CELF3: variants seen among roughly 807,000 people sequenced by gnomAD.
The protein encoded by CELF3 is CUGBP Elav-like family member 3.
In CELF3, 26 loss-of-function variants were observed where a neutral mutation model predicts 59.6. The ratio of observed to expected loss-of-function variants is 0.44; its 90% CI spans 0.32 to 0.61. The LOEUF is 0.61. Ranked by LOEUF, CELF3 falls within the 20% of genes least tolerant of loss-of-function variation. The pLI is 0.06. For missense variants in CELF3, 387 were observed against 627.2 expected (o/e 0.62, Z 4.09); for synonymous variants, 245 against 250.7 (o/e 0.98, Z 0.22).
rs780676440 is a variant in CELF3 at position 151,709,367 on chromosome 1, G to A, written c.278-19C>T. ...CGGTCTTCTGGGTGGTAGGGCACAG[G>A]AGGAGGGCATGTTCAGGGCCTCCTG... On this transcript the variant is annotated intron_variant, in intron 3 of 12. Transcript: ENST00000290583. The surrounding 1 kb of genome is among the most constrained non-coding windows in gnomAD (Gnocchi z 4.9). The A allele has an allele frequency of 1.5e-5, 24 of 1,613,758 alleles. No homozygotes were observed. The South Asian group carries it at 2.1e-4, about 14-fold the overall frequency.
chr1:151,702,913 C>G lies in CELF3; in HGVS notation c.*546G>C, dbSNP rs1672185979. 1 of 307,140 alleles carries G rather than the reference C, an allele frequency of 3.3e-6. No homozygotes were observed. Among genetic ancestry groups the G allele is most frequent in the East Asian group, 8.0e-5 (1 of 12,494 alleles). The allele number at this position is 307,140 out of a possible 1,614,324, so 19.0% of individuals were successfully genotyped here. Reference sequence around the variant, plus strand: ...TCCCCCACACCCTCCTTAGAGGGGGCCCTTGGGGGAGGCAGTGAGTTTTAG... The same window carrying G: ...TCCCCCACACCCTCCTTAGAGGGGGGCCTTGGGGGAGGCAGTGAGTTTTAG... On this transcript the variant is annotated 3_prime_UTR_variant, in exon 13 of 13. Transcript: ENST00000290583.
rs1299299980 is a variant in CELF3 at position 151,709,056 on chromosome 1, T to C, written c.428A>G (p.Gln143Arg). The change falls in exon 5 of 13, where the codon CAG (glutamine) becomes CGG (arginine). Residue 143 changes from glutamine to arginine, a missense_variant. Coordinates refer to ENST00000290583, the MANE Select transcript of CELF3 (RefSeq NM_007185.7). This position sits in a 1 kb window ranked among gnomAD's most constrained non-coding sequence, Gnocchi z 4.9. The stretch of plus-strand genomic sequence containing the variant: ...GGCCGCCTGGGCCTCAGCGTGGGTC[T>C]GGAACTTCACGAAGGCGCAGCCTGG... Reference protein sequence around the residue: ...TSKGCAFVKFQTHAEAQAAIN... With the variant: ...TSKGCAFVKFRTHAEAQAAIN... The C allele has an allele frequency of 1.9e-6, 3 of 1,613,876 alleles. No homozygotes were observed. Among genetic ancestry groups the C allele is most frequent in the Non-Finnish European group, 2.5e-6 (3 of 1,179,960 alleles).
In CELF3 at chr1:151,707,713, C is replaced by T. The variant is rs115220273; in HGVS notation, c.631-65G>A. 3.5e-3 allele frequency: 5,658 copies of T among 1,598,756 alleles called. 184 individuals carry two copies. The African/African-American group carries it at 0.068, about 19-fold the overall frequency. On this transcript the variant is annotated intron_variant, in intron 6 of 12. Transcript: ENST00000290583. ...GCCCAAGCCTGGCTCCCTCCCAGCC[C>T]GGGGCCTTGGCATCGGGAGGGTGGG...
chr1:151,714,784 G>A (rs1571938325), intron 1 of CELF3, 108 bp from the exon 2 acceptor site: 1 of 787,272 alleles, frequency 1.3e-6, no homozygotes, highest in South Asian at 1.6e-5. Context: ...TTCCCTTCTT[G>A]TCATCTTCTG....
Position 151,703,104 on chromosome 1 carries a change from C to T in CELF3, c.*355G>A, listed in dbSNP as rs766208349. The T allele has an allele frequency of 1.5e-5, 7 of 455,930 alleles. No individual in the cohort carries two copies. The highest frequency in any genetic ancestry group is 2.6e-5 in the Non-Finnish European group (6 of 226,692). 28.2% of individuals were successfully genotyped at this position (455,930 alleles called of 1,614,324 possible). On this transcript the variant is annotated 3_prime_UTR_variant, in exon 13 of 13. Transcript: ENST00000290583. ...TCTCCTGGGGCCTGCACGGGTAGAA[C>T]AGGCCCACTGTTGGGGGAGGCAAGT...
chr1:151,710,961 C>T, intron 2 of CELF3: 1 of 393,440 alleles, frequency 2.5e-6, no homozygotes, highest in Non-Finnish European at 5.1e-6. Flanking sequence ...TGGAACCACA[C>T]CTGGTTGCCC....
chr1:151,704,113 C>T (rs762041670), intron 12 of CELF3, among the ~76,000 whole-genome samples: 4 of 152,044 alleles, frequency 2.6e-5, no homozygotes, highest in Non-Finnish European at 5.9e-5. Flanking sequence ...ACAACACGCT[C>T]GTTCCATGCA....
In CELF3 at chr1:151,702,881, T is replaced by C. The variant is rs1571901575; in HGVS notation, c.*578A>G. The C allele has an allele frequency of 3.9e-6, 1 of 253,338 alleles. No individual in the cohort carries two copies. The highest frequency in any genetic ancestry group is 8.1e-6 in the Non-Finnish European group (1 of 123,678). 15.7% of individuals were successfully genotyped at this position (253,338 alleles called of 1,614,324 possible). A position where few individuals can be genotyped will look rare whatever the true frequency, so the allele number is the denominator to read the frequency against. On this transcript the variant is annotated 3_prime_UTR_variant, in exon 13 of 13. Coordinates refer to ENST00000290583, the MANE Select transcript of CELF3 (RefSeq NM_007185.7). ...TGGCTGACTGGCAGAGAGGCAGCCC[T>C]CAGGGCTCCCCCACACCCTCCTTAG...
intron 12 of CELF3, 61 bp downstream of exon 12, chr1:151,704,970 C>T (rs1026532667): frequency 1.1e-4 from 169 of 1,531,108 alleles, no homozygotes; most frequent in Non-Finnish European, 1.4e-4. Flanking sequence ...GTAGTCCAAT[C>T]GAGGGCCCTG....
In CELF3 at chr1:151,703,466, TG is replaced by T. The variant is rs1672240268; in HGVS notation, c.*11-19del. On this transcript the variant is annotated intron_variant, in intron 12 of 12. Transcript: ENST00000290583. ...CTCCAGACCTGTGAAGGAAGAAACATGGGTGAAGCATGGGGAAGAGACCCCC... is the reference window on the plus strand; with the variant it reads ...CTCCAGACCTGTGAAGGAAGAAACATGGTGAAGCATGGGGAAGAGACCCCC... The T allele has an allele frequency of 6.4e-6, 2 of 310,514 alleles. No homozygotes were observed. The highest frequency in any genetic ancestry group is 4.5e-5 in the African/African-American group (2 of 44,738). The allele number at this position is 310,514 out of a possible 1,614,324, so 19.2% of individuals were successfully genotyped here.
intron 7 of CELF3, 61 bp from the exon 8 acceptor site, chr1:151,707,355 C>A: frequency 6.5e-7 from 1 of 1,546,498 alleles, no homozygotes; most frequent in South Asian, 1.2e-5. Context: ...AGGCAGAGAA[C>A]CAGTCAGCAA....
chr1:151,706,546 T>C, intron 9 of CELF3, 123 bp downstream of exon 9: 5 of 1,258,962 alleles, frequency 4.0e-6, no homozygotes, highest in Non-Finnish European at 4.5e-6. Context: ...ACAGTTGGGC[T>C]TGTCAGTAAA....
Position 151,716,348 on chromosome 1 carries a change from C to T in CELF3, c.-328G>A, listed in dbSNP as rs1475765013. ...AAGACCTGGAGGGTTAGGTGGTAGC[C>T]GGGGGTGCTAGGGCTTAGAGGGCTG... On this transcript the variant is annotated 5_prime_UTR_variant, in exon 1 of 13. Transcript: ENST00000290583. The T allele has an allele frequency of 3.2e-5, 10 of 315,508 alleles. No homozygotes were observed. The highest frequency in any genetic ancestry group is 6.0e-5 in the East Asian group (1 of 16,628). The allele number at this position is 315,508 out of a possible 1,614,324, so 19.5% of individuals were successfully genotyped here.
intron 1 of CELF3, chr1:151,715,541 T>C (rs954610485): frequency 8.0e-6 from 9 of 1,131,702 alleles, no homozygotes; most frequent in Non-Finnish European, 1.1e-5. Flanking sequence ...CACACACCCC[T>C]ACCCAGCTGC....
chr1:151,715,784 C>G, intron 1 of CELF3, 92 bp downstream of exon 1: 1 of 1,594,322 alleles, frequency 6.3e-7, no homozygotes, highest in Non-Finnish European at 8.5e-7. Flanking sequence ...CCACATCAGC[C>G]CTTCCCAGCC....
chr1:151,707,397 T>C, intron 7 of CELF3, 103 bp from the exon 8 acceptor site: 1 of 1,540,412 alleles, frequency 6.5e-7, no homozygotes, highest in Non-Finnish European at 8.8e-7. Flanking sequence ...AGCAGGCCTC[T>C]CTGACCCCTG....
At chr1:151,714,762 G>C in intron 1 of CELF3, 86 bp from the exon 2 acceptor site, 1 of 959,518 alleles carries the variant, frequency 1.0e-6, no homozygotes, top group Non-Finnish European at 1.6e-6. Flanking sequence ...AAAGACTGAC[G>C]ACTGGGAAGC....
intron 2 of CELF3, 83 bp downstream of exon 2, chr1:151,714,511 G>A (rs970401010): frequency 1.0e-6 from 1 of 965,028 alleles, no homozygotes; most frequent in Non-Finnish European, 1.6e-6. Context: ...TGGAAATTAT[G>A]CTCAGTGTCA....
chr1:151,709,852 C>A lies in CELF3; in HGVS notation c.229-61G>T. On this transcript the variant is annotated intron_variant, in intron 2 of 12. Transcript: ENST00000290583. The surrounding 1 kb of genome is among the most constrained non-coding windows in gnomAD (Gnocchi z 4.9). ...TCCTCTGAACACCCAAGAGCCCTCC[C>A]AGGCCAGGCCCTGCAGAGAGACTAG... 6.5e-7 allele frequency: 1 copy of A among 1,529,890 alleles called. No homozygotes were observed. Among genetic ancestry groups the A allele is most frequent in the Non-Finnish European group, 9.1e-7 (1 of 1,103,228 alleles). The allele number at this position is 1,529,890 out of a possible 1,614,324, so 94.8% of individuals were successfully genotyped here. A position where few individuals can be genotyped will look rare whatever the true frequency, so the allele number is the denominator to read the frequency against.
Sources: gnomAD v4.1 joint callset for allele counts (sites outside exome capture counted in the v4.1 genomes callset) on GRCh38, gnomAD v4.1.1 for gene constraint, Gnocchi (gnomAD v3.1) non-coding constraint, MANE v1.5 for transcripts, NCBI Gene and HGNC (gene_info 2026-07-23, HGNC 2026-07-21) for gene names.